DCC: variants seen among roughly 807,000 people sequenced by gnomAD.
DCC encodes netrin receptor DCC.
DCC carries 58 observed loss-of-function variants against 172.5 expected under a neutral mutation model. That is an observed-to-expected ratio of 0.34 (90% confidence interval 0.27 to 0.42). The LOEUF (loss-of-function observed/expected upper bound fraction) is 0.42, where lower values mean the gene tolerates loss of function less well. Ranked by LOEUF, DCC falls within the 10% of genes least tolerant of loss-of-function variation. The pLI is 1.00. For missense variants in DCC, 1,740 were observed against 1,791.0 expected (o/e 0.97, Z 0.51); for synonymous variants, 709 against 644.5 (o/e 1.10, Z -1.52).
chr18:52,836,309 A>G (rs1452440098), intron 2 of DCC, among the ~76,000 whole-genome samples: 1 of 152,142 alleles, frequency 6.6e-6, no homozygotes. Context: ...TCAAAACACA[A>G]TCATGCCCTT....
intron 15 of DCC, among the ~76,000 whole-genome samples, chr18:53,359,272 A>G (rs1265321830): frequency 6.6e-6 from 1 of 152,144 alleles, no homozygotes; most frequent in African/African-American, 2.4e-5. Flanking sequence ...TCCATGCTGT[A>G]TATTTAACAG....
intron 1 of DCC, among the ~76,000 whole-genome samples, chr18:52,526,932 G>T (rs1264647671): frequency 6.6e-6 from 1 of 152,134 alleles, no homozygotes; most frequent in African/African-American, 2.4e-5. Flanking sequence ...GGTATCCCCA[G>T]AAATCTTCAG....
At chr18:52,553,882 T>C (rs1043235169) in intron 1 of DCC, among the ~76,000 whole-genome samples, 1 of 152,060 alleles carries the variant, frequency 6.6e-6, no homozygotes, top group African/African-American at 2.4e-5. Context: ...ATGATATATG[T>C]CACACAGTGC....
intron 1 of DCC, among the ~76,000 whole-genome samples, chr18:52,671,456 C>T (rs12606907): frequency 0.45 from 68,550 of 151,374 alleles, 15,757 homozygotes; most frequent in Non-Finnish European, 0.51. Flanking sequence ...TCAAAAGGCT[C>T]AGATGATGTA....
intron 21 of DCC, among the ~76,000 whole-genome samples, chr18:53,427,649 C>T (rs978230657): frequency 6.6e-6 from 1 of 150,836 alleles, no homozygotes; most frequent in Non-Finnish European, 1.5e-5. Flanking sequence ...AGGTTAACTA[C>T]TTTCCTGTTA....
rs551098959 is a variant in DCC, at chr18:52,545,335, C to T, written c.91+204457C>T. Among the ~76,000 whole-genome samples, 7 of 152,298 alleles carry T rather than the reference C, an allele frequency of 4.6e-5. No homozygotes were observed. In the South Asian group the frequency reaches 8.3e-4, roughly 18 times the overall value. On this transcript the variant is annotated intron_variant, in intron 1 of 28. Transcript: ENST00000442544. ...AGTGCTGAAGAGAGCAGGCTTTTGCCTGCCCTGATGCTTTCCTGCAGTGAT... is the reference window on the plus strand; with the variant it reads ...AGTGCTGAAGAGAGCAGGCTTTTGCTTGCCCTGATGCTTTCCTGCAGTGAT...
At chr18:52,373,899 T>A (rs1985234433) in intron 1 of DCC, among the ~76,000 whole-genome samples, 1 of 148,736 alleles carries the variant, frequency 6.7e-6, no homozygotes, top group South Asian at 2.2e-4. Flanking sequence ...TTTTTTTTTT[T>A]TTTTTTTTTT....
chr18:52,861,780 G>C (rs2145362629), intron 2 of DCC, among the ~76,000 whole-genome samples: 1 of 152,214 alleles, frequency 6.6e-6, no homozygotes, highest in Non-Finnish European at 1.5e-5. Flanking sequence ...AGCCCTGGAA[G>C]GTTTTACATG....
At chr18:52,524,794 T>C (rs2031930173) in intron 1 of DCC, among the ~76,000 whole-genome samples, 3 of 152,126 alleles carry the variant, frequency 2.0e-5, no homozygotes, top group Admixed American at 2.0e-4. Context: ...GAAAAGAGCA[T>C]ATTTTTCTAA....
chr18:53,055,402 C>T (rs146832122), intron 5 of DCC, among the ~76,000 whole-genome samples: 180 of 152,262 alleles, frequency 1.2e-3, no homozygotes, highest in Admixed American at 2.4e-3. Context: ...AGCACCCAAG[C>T]ACATTCCCCT....
intron 2 of DCC, among the ~76,000 whole-genome samples, chr18:52,796,587 T>A (rs1399957080): frequency 6.6e-6 from 1 of 152,164 alleles, no homozygotes; most frequent in Non-Finnish European, 1.5e-5. Flanking sequence ...CTTTGCTGGG[T>A]CTAGTATTTT....
intron 2 of DCC, among the ~76,000 whole-genome samples, chr18:52,824,574 TTGAG>T (rs533556705): frequency 1.9e-3 from 285 of 152,238 alleles, no homozygotes; most frequent in Non-Finnish European, 3.3e-3. Context: ...TGCTTGTACA[TTGAG>T]AGGGGAAGGA....
chr18:52,968,536 C>CT (rs1430539485), intron 5 of DCC, among the ~76,000 whole-genome samples: 1 of 152,072 alleles, frequency 6.6e-6, no homozygotes, highest in Non-Finnish European at 1.5e-5. Context: ...CTCACTCTAG[C>CT]TATTGCCCTA....
At chr18:53,485,189 T>A (rs1421897443) in intron 25 of DCC, among the ~76,000 whole-genome samples, 2 of 152,152 alleles carry the variant, frequency 1.3e-5, no homozygotes, top group African/African-American at 2.4e-5. Flanking sequence ...GATAGATATG[T>A]TAATCTACTT....
chr18:53,121,824 A>G (rs2043488337), intron 7 of DCC, among the ~76,000 whole-genome samples: 1 of 151,914 alleles, frequency 6.6e-6, no homozygotes, highest in Non-Finnish European at 1.5e-5. Flanking sequence ...ACTTCCCTTG[A>G]GTTTTATACC....
At chr18:53,047,365 AAAT>A (rs2042262738) in intron 5 of DCC, among the ~76,000 whole-genome samples, 1 of 121,118 alleles carries the variant, frequency 8.3e-6, no homozygotes, top group African/African-American at 3.1e-5. Context: ...ATTATACATA[AAAT>A]AATATATACT....
At chr18:53,223,980 A>G (rs544017899) in intron 12 of DCC, among the ~76,000 whole-genome samples, 3 of 152,214 alleles carry the variant, frequency 2.0e-5, no homozygotes, top group Non-Finnish European at 2.9e-5. Flanking sequence ...ATAAGATATT[A>G]TAAAACTAAT....
intron 1 of DCC, among the ~76,000 whole-genome samples, chr18:52,610,670 G>A (rs76959359): frequency 0.021 from 3,141 of 152,138 alleles, 130 homozygotes; most frequent in African/African-American, 0.072. Flanking sequence ...GGCTTTGTGA[G>A]TCATGCCGCT....
Position 52,905,296 on chromosome 18 carries a change from A to G in DCC, c.413-748A>G, listed in dbSNP as rs1036148321. ...CATTTTCACATGTTATTTCATATGA[A>G]CATTGAAGTGACTATGTGAATTAGA... On this transcript the variant is annotated intron_variant, in intron 2 of 28. Transcript: ENST00000442544. 3.9e-5 allele frequency among the ~76,000 whole-genome samples: 6 copies of G among 152,194 alleles called. 1 individual carries two copies. The South Asian group carries it at 6.2e-4, about 16-fold the overall frequency.
Sources: allele counts gnomAD v4.1 joint callset (sites outside exome capture counted in the v4.1 genomes callset), GRCh38; gene constraint gnomAD v4.1.1; transcripts MANE v1.5; gene names NCBI Gene and HGNC (gene_info 2026-07-23, HGNC 2026-07-21).